Variants in MTRR observed in about 807,000 individuals in gnomAD.
The protein encoded by MTRR is 5-methyltetrahydrofolate-homocysteine methyltransferase reductase.
In MTRR, 63 loss-of-function variants were observed where a neutral mutation model predicts 79.2. The ratio of observed to expected loss-of-function variants is 0.80; its 90% CI spans 0.65 to 0.98. The LOEUF (loss-of-function observed/expected upper bound fraction) is 0.98. Among genes scored for constraint, MTRR ranks in the 50% least tolerant of loss-of-function variants. The probability of loss-of-function intolerance (pLI) is 0.00; values close to 1 mark genes in which losing one functional copy is unlikely to be tolerated. For missense variants in MTRR, 895 were observed against 839.6 expected, an observed-to-expected ratio of 1.07 and a Z score of -0.82; for synonymous variants, 355 against 313.3, an observed-to-expected ratio of 1.13 and a Z score of -1.41.
At chr5:7,869,001 C>T, upstream of MTRR, 1 of 1,039,634 alleles carries the variant, frequency 9.6e-7, no homozygotes, top group Non-Finnish European at 1.5e-6. Context: ...GGCAATCACT[C>T]CGGGTGGTCG....
At chr5:7,866,816 G>C (rs145140718), upstream of MTRR, 1 of 1,614,126 alleles carries the variant, frequency 6.2e-7, no homozygotes, top group Non-Finnish European at 8.5e-7. Flanking sequence ...AGAGGCATTT[G>C]GTGGCAAATA....
rs145654110 is a variant in MTRR, at chr5:7,900,280, A to G, written c.*222A>G. ...CTTCCTGTGCCTGTGACTCTCCCCA[A>G]ATTGCCCTGTTGCCTTGAGCTCTTC... On this transcript the variant is annotated 3_prime_UTR_variant, in exon 15 of 15. Coordinates refer to ENST00000440940, the MANE Select transcript of MTRR (RefSeq NM_002454.3). The G allele has an allele frequency of 7.1e-3, 3,843 of 543,930 alleles. 42 individuals carry two copies. The highest frequency in any genetic ancestry group is 0.032 in the South Asian group (1,543 of 48,164). The allele number at this position is 543,930 out of a possible 1,614,324, so 33.7% of individuals were successfully genotyped here. A position where few individuals can be genotyped will look rare whatever the true frequency, so the allele number is the denominator to read the frequency against.
chr5:7,854,416 G>T (rs1223593587), intron 1 of MTRR, among the ~76,000 whole-genome samples: 1 of 152,018 alleles, frequency 6.6e-6, no homozygotes, highest in Non-Finnish European at 1.5e-5. Context: ...GTGATCACAA[G>T]TTCCCTGTAT....
At chr5:7,876,155 T>C (rs954075234) in intron 4 of MTRR, among the ~76,000 whole-genome samples, 1 of 141,068 alleles carries the variant, frequency 7.1e-6, no homozygotes, top group Non-Finnish European at 1.5e-5. Context: ...GTCTTGCTTT[T>C]CGGCATACTG....
At chr5:7,885,579 TCTA>T in intron 6 of MTRR, 119 bp from the exon 7 acceptor site, 1 of 939,940 alleles carries the variant, frequency 1.1e-6, no homozygotes, top group South Asian at 1.7e-5. Context: ...TTTTTGAAAT[TCTA>T]TTTTCTGAGT....
At chr5:7,850,881 C>G (rs532284017), upstream of MTRR, 1 of 1,328,384 alleles carries the variant, frequency 7.5e-7, no homozygotes, top group Non-Finnish European at 9.7e-7. Context: ...TCACCCGCGC[C>G]GGGCGGTAGT....
rs1305098608 is a variant in MTRR at position 7,869,148 on chromosome 5, A to C, written c.-93A>C. The C allele has an allele frequency of 9.3e-6, 15 of 1,613,324 alleles. No homozygotes were observed. Among genetic ancestry groups the C allele is most frequent in the Admixed American group, 1.7e-5 (1 of 60,014 alleles). On this transcript the variant is annotated 5_prime_UTR_variant, in exon 1 of 15. Transcript: ENST00000440940. ...GGGTACCGAGCATGGGCGCTGCGTCAGTGCGCGCTGGCGCAAGGTTGGTGG... is the reference window on the plus strand; with the variant it reads ...GGGTACCGAGCATGGGCGCTGCGTCCGTGCGCGCTGGCGCAAGGTTGGTGG...
Position 7,897,179 on chromosome 5 carries a change from C to T in MTRR, c.1884C>T (p.Asn628=). 1 of 1,614,132 alleles carries T rather than the reference C, an allele frequency of 6.2e-7. No homozygotes were observed. Among genetic ancestry groups the T allele is most frequent in the Non-Finnish European group, 8.5e-7 (1 of 1,180,036 alleles). The change falls in exon 14 of 15, where the codon AAC becomes AAT. Residue 628 remains asparagine (N), a synonymous_variant. Transcript: ENST00000440940. ...CCCCAGCAAAGTATGTGCAAGACAA[C>T]ATCCAGCTTCATGGCCAGCAGGTGG... ...EEAPAKYVQD[N]IQLHGQQVAR...
chr5:7,854,014 C>T (rs944806241), intron 1 of MTRR, among the ~76,000 whole-genome samples: 1 of 152,114 alleles, frequency 6.6e-6, no homozygotes, highest in Non-Finnish European at 1.5e-5. Flanking sequence ...GCAAGGCAGA[C>T]TTTGGCAATT....
chr5:7,879,904 C>G (rs946656600), intron 5 of MTRR, among the ~76,000 whole-genome samples: 1 of 152,210 alleles, frequency 6.6e-6, no homozygotes, highest in Admixed American at 6.5e-5. Flanking sequence ...CTGGGCCCCA[C>G]GCAAAGCTGG....
chr5:7,875,978 AG>A (rs1252320562), intron 4 of MTRR, among the ~76,000 whole-genome samples: 1 of 152,228 alleles, frequency 6.6e-6, no homozygotes, highest in African/African-American at 2.4e-5. Context: ...GTGTTTATTC[AG>A]TGGTCCTACA....
At chr5:7,891,443 G>A in intron 10 of MTRR, 29 bp downstream of exon 10, 26 of 1,583,262 alleles carry the variant, frequency 1.6e-5, no homozygotes, top group Non-Finnish European at 2.1e-5. Flanking sequence ...GTAATATATA[G>A]CATTGTTTCT....
rs114132707 is a variant in MTRR at position 7,881,531 on chromosome 5, G to A, written c.781-1624G>A. On this transcript the variant is annotated intron_variant, in intron 5 of 14. Coordinates refer to ENST00000440940, the MANE Select transcript of MTRR (RefSeq NM_002454.3). ...GGTAGGAAGATTTTTAAGGGAATCT[G>A]GGTAGTCAAGATTTTTAAGGCGTTC... 6.6e-3 allele frequency among the ~76,000 whole-genome samples: 1,000 copies of A among 152,148 alleles called. 12 individuals carry two copies. The highest frequency in any genetic ancestry group is 0.023 in the African/African-American group (961 of 41,504).
intron 1 of MTRR, among the ~76,000 whole-genome samples, chr5:7,856,363 A>G (rs1579517417): frequency 6.6e-6 from 1 of 152,304 alleles, no homozygotes; most frequent in South Asian, 2.1e-4. Flanking sequence ...GATAATTAAC[A>G]AAGGCAGTTG....
chr5:7,868,208 A>G, upstream of MTRR: 1 of 606,894 alleles, frequency 1.6e-6, no homozygotes, highest in African/African-American at 1.9e-5. Context: ...TGGAAAAAAA[A>G]AAAAAAAAAA....
upstream of MTRR, chr5:7,867,079 C>T (rs920084898): frequency 6.2e-7 from 1 of 1,614,182 alleles, no homozygotes; most frequent in South Asian, 1.1e-5. Context: ...CCAAGACTCT[C>T]CTAAGCTCCT....
intron 11 of MTRR, chr5:7,893,397 T>C (rs1205196036): frequency 5.8e-6 from 1 of 172,728 alleles, no homozygotes; most frequent in Non-Finnish European, 1.2e-5. Context: ...TTTCTGCTTT[T>C]GTTATCTGTG....
chr5:7,859,291 A>G, intron 1 of MTRR: 1 of 454,170 alleles, frequency 2.2e-6, no homozygotes, highest in East Asian at 3.4e-5. Flanking sequence ...ATGTATACAT[A>G]GTATAAGGAA....
At chr5:7,880,899 C>G (rs1359175724) in intron 5 of MTRR, among the ~76,000 whole-genome samples, 1 of 152,072 alleles carries the variant, frequency 6.6e-6, no homozygotes, top group African/African-American at 2.4e-5. Flanking sequence ...CTTAACAGAC[C>G]CTGGAATGTT....
Sources: allele counts gnomAD v4.1 joint callset (sites outside exome capture counted in the v4.1 genomes callset), GRCh38; gene constraint gnomAD v4.1.1; transcripts MANE v1.5; gene names NCBI Gene and HGNC (gene_info 2026-07-23, HGNC 2026-07-21).